The following ACACA variants were observed in gnomAD, a reference collection of about 807,000 sequenced individuals.
The protein encoded by ACACA is acetyl-CoA carboxylase 1.
In ACACA, 103 loss-of-function variants were observed where a neutral mutation model predicts 296.1. The ratio of observed to expected loss-of-function variants is 0.35; its 90% confidence interval spans 0.30 to 0.41. ACACA has a LOEUF of 0.41. Ranked by LOEUF, ACACA falls within the 10% of genes least tolerant of loss-of-function variation. The probability of loss-of-function intolerance (pLI) is 1.00; values close to 1 mark genes in which losing one functional copy is unlikely to be tolerated. For missense variants in ACACA, 1,554 were observed against 2,989.7 expected (o/e 0.52, Z 11.20); for synonymous variants, 953 against 1,038.6 (o/e 0.92, Z 1.58).
At chr17:37,272,108 C>G (rs538936125) in intron 9 of ACACA, among the ~76,000 whole-genome samples, 1 of 152,112 alleles carries the variant, frequency 6.6e-6, no homozygotes, top group Non-Finnish European at 1.5e-5. Flanking sequence ...CTTTGGGAGG[C>G]CAAAGTGGGT....
At chr17:37,244,191 C>T (rs2080570467) in intron 21 of ACACA, among the ~76,000 whole-genome samples, 1 of 150,574 alleles carries the variant, frequency 6.6e-6, no homozygotes, top group Non-Finnish European at 1.5e-5. Flanking sequence ...TGAAACCCCA[C>T]CTCTACTAAA....
Position 37,191,137 on chromosome 17 carries a change from T to C in ACACA, c.4555A>G (p.Ile1519Val). The change falls in exon 38 of 56, where the codon ATC (isoleucine) becomes GTC (valine). Residue 1519 changes from isoleucine to valine, a missense_variant. Ile to Val is a conservative substitution (Grantham distance 29). Coordinates refer to ENST00000616317, the MANE Select transcript of ACACA (RefSeq NM_198834.3). ...AAATGTACCTTTGATGGGTCCATGA[T>C]AACCGTGGGCACAAAGTTGAGGAAG... is the stretch of plus-strand genomic sequence containing the variant. ...HIFLNFVPTV[I>V]MDPSKIEESV... is the part of the protein sequence containing the mutation. 6.2e-7 allele frequency: 1 copy of C among 1,614,134 alleles called. No homozygotes were observed. Among genetic ancestry groups the C allele is most frequent in the Non-Finnish European group, 8.5e-7 (1 of 1,180,012 alleles).
At chr17:37,292,059 T>G (rs1317762776) in intron 3 of ACACA, among the ~76,000 whole-genome samples, 1 of 152,124 alleles carries the variant, frequency 6.6e-6, no homozygotes, top group Non-Finnish European at 1.5e-5. Flanking sequence ...ATGCATCTAG[T>G]AAGCAAAGCT....
intron 25 of ACACA, among the ~76,000 whole-genome samples, chr17:37,231,883 C>T (rs1259612099): frequency 6.6e-6 from 1 of 152,174 alleles, no homozygotes; most frequent in Non-Finnish European, 1.5e-5. Context: ...GAGTTCTAAG[C>T]TTTTTCCTAT....
intron 1 of ACACA, among the ~76,000 whole-genome samples, chr17:37,361,280 G>A (rs947180744): frequency 9.9e-5 from 15 of 151,798 alleles, no homozygotes; most frequent in African/African-American, 3.4e-4. Context: ...CTCGTGATCC[G>A]CCCACCTTAG....
intron 30 of ACACA, 91 bp downstream of exon 30, chr17:37,210,376 G>A: frequency 8.4e-7 from 1 of 1,183,444 alleles, no homozygotes; most frequent in Non-Finnish European, 1.3e-6. Flanking sequence ...ACATTATCTT[G>A]TCAAGTGTTG....
At chr17:37,216,208 G>GTGTGTGTA in intron 29 of ACACA, among the ~76,000 whole-genome samples, 1 of 144,076 alleles carries the variant, frequency 6.9e-6, no homozygotes. Flanking sequence ...GTGTGTGTGT[G>GTGTGTGTA]TATATATATA....
chr17:37,357,254 A>T (rs2049184682), intron 1 of ACACA, among the ~76,000 whole-genome samples: 2 of 152,168 alleles, frequency 1.3e-5, no homozygotes, highest in South Asian at 4.1e-4. Flanking sequence ...GCACTTTGGG[A>T]GGCCGAGGAG....
At chr17:37,174,003 TATATATATATATA>T (rs1490594811) in intron 41 of ACACA, among the ~76,000 whole-genome samples, 161 of 13,208 alleles carry the variant, frequency 0.012, 22 homozygotes, top group East Asian at 0.12. Flanking sequence ...TATATATATA[TATATATATATATA>T]TATATTTTTT....
chr17:37,321,703 G>C (rs534616887), intron 3 of ACACA, among the ~76,000 whole-genome samples: 16 of 152,144 alleles, frequency 1.1e-4, no homozygotes, highest in African/African-American at 3.9e-4. Flanking sequence ...AGCCGAGATT[G>C]CGCCACTGCC....
intron 3 of ACACA, among the ~76,000 whole-genome samples, chr17:37,294,982 C>G (rs1038953065): frequency 1.3e-5 from 2 of 152,228 alleles, no homozygotes; most frequent in African/African-American, 4.8e-5. Context: ...CACACTTTCC[C>G]ATGCTTCCTG....
intron 3 of ACACA, among the ~76,000 whole-genome samples, chr17:37,290,756 GGAA>G (rs58857786): frequency 0.32 from 48,549 of 151,686 alleles, 9,398 homozygotes; most frequent in African/African-American, 0.53. Context: ...GGGCCACACT[GGAA>G]GAAGAAGAAT....
chr17:37,153,416 C>T (rs1463731760), intron 43 of ACACA, among the ~76,000 whole-genome samples: 2 of 152,148 alleles, frequency 1.3e-5, no homozygotes, highest in Non-Finnish European at 2.9e-5. Context: ...ATGTGAACTA[C>T]TAGCTTTAGA....
At chr17:37,404,627 T>A (rs921229908) in intron 1 of ACACA, among the ~76,000 whole-genome samples, 7 of 145,904 alleles carry the variant, frequency 4.8e-5, no homozygotes, top group Non-Finnish European at 8.9e-5. Context: ...CAGGCTTGAG[T>A]GTAGTGGCAC....
rs76078031 is a variant in ACACA at position 37,144,393 on chromosome 17, A to G, written c.5679+5471T>C. On this transcript the variant is annotated intron_variant, in intron 45 of 55. Coordinates refer to ENST00000616317, the MANE Select transcript of ACACA (RefSeq NM_198834.3). ...TATCGTAACCTCTTTAAGTTATGTG[A>G]AAGTTACAATGCTGCCCGCCCCACA... 8.9e-4 allele frequency: 356 copies of G among 397,836 alleles called. 2 individuals carry two copies. In the East Asian group the frequency reaches 0.018, roughly 20 times the overall value. 24.6% of individuals were successfully genotyped at this position (397,836 alleles called of 1,614,324 possible). A position where few individuals can be genotyped will look rare whatever the true frequency, so the allele number is the denominator to read the frequency against.
chr17:37,151,300 C>G lies in ACACA; in HGVS notation c.5568+1G>C. Reference sequence around the variant, plus strand: ...AAATTTCACATTCTGGAAAGATTTACCAGGCTGATGGTAATGATCTCATTA... The same window carrying G: ...AAATTTCACATTCTGGAAAGATTTAGCAGGCTGATGGTAATGATCTCATTA... On this transcript the variant is annotated splice_donor_variant, in intron 44 of 55. Coordinates refer to ENST00000616317, the MANE Select transcript of ACACA (RefSeq NM_198834.3). LOFTEE classifies it high-confidence loss of function. The G allele has an allele frequency of 6.2e-7, 1 of 1,613,918 alleles. No individual in the cohort carries two copies.
At chr17:37,141,453 G>T (rs1315716466) in intron 45 of ACACA, 1 of 290,022 alleles carries the variant, frequency 3.4e-6, no homozygotes, top group Non-Finnish European at 6.8e-6. Flanking sequence ...TGTAGAGGGG[G>T]TCTTGCTTCT....
In ACACA at chr17:37,258,353, T is replaced by C. The variant is rs1337915969; in HGVS notation, c.1521A>G (p.Leu507=). The change falls in exon 13 of 56, where the codon CTA becomes CTG. Residue 507 remains leucine (L), a synonymous_variant. Coordinates refer to ENST00000616317, the MANE Select transcript of ACACA (RefSeq NM_198834.3). ...TCATACGGATATCCTTGATTCTATATAGAGGAATCCCCATGGCAATCTGAA... is the reference window on the plus strand; with the variant it reads ...TCATACGGATATCCTTGATTCTATACAGAGGAATCCCCATGGCAATCTGAA... ...AQLQIAMGIP[L]YRIKDIRMMY... is the part of the protein sequence containing the mutation. 1.9e-6 allele frequency: 3 copies of C among 1,614,044 alleles called. No homozygotes were observed. Among genetic ancestry groups the C allele is most frequent in the East Asian group, 2.2e-5 (1 of 44,888 alleles).
Position 37,406,739 on chromosome 17 carries a change from G to C in ACACA, c.-440C>G, listed in dbSNP as rs1433098641. 1 of 172,532 alleles carries C rather than the reference G, an allele frequency of 5.8e-6. No homozygotes were observed. Among genetic ancestry groups the C allele is most frequent in the Non-Finnish European group, 1.2e-5 (1 of 81,434 alleles). 10.7% of individuals were successfully genotyped at this position (172,532 alleles called of 1,614,324 possible). On this transcript the variant is annotated 5_prime_UTR_variant, in exon 1 of 56. Coordinates refer to ENST00000616317, the MANE Select transcript of ACACA (RefSeq NM_198834.3). ...CTCCCAGTCCTCGGGCACGGGGACA[G>C]CAGCAGGCGCGCGGCGGGGACCGGG...
Sources: gnomAD v4.1 joint callset for allele counts (sites outside exome capture counted in the v4.1 genomes callset) on GRCh38, gnomAD v4.1.1 for gene constraint, MANE v1.5 for transcripts, NCBI Gene and HGNC (gene_info 2026-07-23, HGNC 2026-07-21) for gene names.